The following RYR3 variants were observed in gnomAD, a reference collection of about 807,000 sequenced individuals.
RYR3 encodes ryanodine receptor 3, also known as brain ryanodine receptor-calcium release channel.
Under a neutral mutation model 584.3 loss-of-function variants are expected in RYR3, and 207 were observed. The ratio of observed to expected loss-of-function variants is 0.35; its 90% CI spans 0.32 to 0.40. The LOEUF (loss-of-function observed/expected upper bound fraction) is 0.40. RYR3 is among the 10% of genes least tolerant of loss of function. The pLI is 1.00. For synonymous variants in RYR3, 2,416 were observed against 2,248.5 expected, an observed-to-expected ratio of 1.07 and a Z score of -2.11; for missense variants, 5,616 against 6,089.2, an observed-to-expected ratio of 0.92 and a Z score of 2.59.
rs370430401 is a variant in RYR3, at chr15:33,728,930, G to C, written c.7107G>C (p.Leu2369Phe). The C allele has an allele frequency of 5.1e-5, 82 of 1,613,636 alleles. No homozygotes were observed. Among genetic ancestry groups the C allele is most frequent in the Non-Finnish European group, 6.6e-5 (78 of 1,179,832 alleles). ...ACAAGGCACCTATGGTGCTGTTCTT[G>C]GACCGCGTTTATGGCATTAAGGATC... ...PDHKAPMVLF[L>F]DRVYGIKDQT... Residue 2369 changes from leucine to phenylalanine, a missense_variant, in exon 47 of 104, where the codon TTG becomes TTC. Physicochemically the swap from Leu to Phe is conservative, Grantham distance 22. This residue lies in a region of RYR3 where 1,280 missense variants were observed against 1,426.2 expected (regional missense o/e 0.90). Transcript: ENST00000634891.
chr15:33,458,434 G>T (rs2047741573), intron 1 of RYR3, among the ~76,000 whole-genome samples: 1 of 152,144 alleles, frequency 6.6e-6, no homozygotes, highest in African/African-American at 2.4e-5. Context: ...AGCTTTCCTG[G>T]TTCTCAGCCT....
chr15:33,569,530 C>A (rs1453117828), intron 12 of RYR3, among the ~76,000 whole-genome samples: 2 of 152,146 alleles, frequency 1.3e-5, no homozygotes, highest in East Asian at 1.9e-4. Context: ...TCTCACTTAG[C>A]AAAATATCTT....
At position 33,812,961 on chromosome 15, in the gene RYR3, G is replaced by A. The variant is rs1467488909; in HGVS notation, c.10356G>A (p.Gln3452=). 6.2e-7 allele frequency: 1 copy of A among 1,613,978 alleles called. No homozygotes were observed. The highest frequency in any genetic ancestry group is 8.5e-7 in the Non-Finnish European group (1 of 1,179,872). Residue 3452 remains glutamine (Q), a synonymous_variant, in exon 73 of 104, where the codon CAG becomes CAA. Transcript: ENST00000634891. ...CGGAAAAGACAGTGGAGCGTGTGCA[G>A]AGAATTTCAGCAGCTGTCTTCCACC... ...FNPEKTVERV[Q]RISAAVFHLE... is the part of the protein sequence containing the mutation.
At chr15:33,629,860 A>G in intron 21 of RYR3, 80 bp from the exon 22 acceptor site, 1 of 724,310 alleles carries the variant, frequency 1.4e-6, no homozygotes, top group Non-Finnish European at 2.3e-6. Flanking sequence ...CCATGTTTCA[A>G]AGTATGTTCT....
At chr15:33,695,310 C>T (rs2065761818) in intron 38 of RYR3, among the ~76,000 whole-genome samples, 1 of 152,186 alleles carries the variant, frequency 6.6e-6, no homozygotes, top group Non-Finnish European at 1.5e-5. Context: ...TCCTCCTTTA[C>T]CTCCTATGCC....
chr15:33,742,497 A>C (rs1273448382), intron 52 of RYR3, 53 bp downstream of exon 52: 4 of 1,166,140 alleles, frequency 3.4e-6, no homozygotes. Flanking sequence ...CAGCCCAAGA[A>C]CATTAAAGGG....
intron 53 of RYR3, among the ~76,000 whole-genome samples, chr15:33,746,410 G>A (rs1411478292): frequency 1.3e-5 from 2 of 152,192 alleles, no homozygotes; most frequent in African/African-American, 4.8e-5. Flanking sequence ...TTTGAGGCTG[G>A]GCCAAAATGC....
intron 49 of RYR3, among the ~76,000 whole-genome samples, chr15:33,737,991 C>T (rs8029059): frequency 0.13 from 20,349 of 151,880 alleles, 1,554 homozygotes; most frequent in East Asian, 0.34. Flanking sequence ...TAGTAATTGA[C>T]GAGAGAAAAT....
intron 38 of RYR3, among the ~76,000 whole-genome samples, chr15:33,673,530 T>C (rs1210012511): frequency 6.6e-6 from 1 of 152,238 alleles, no homozygotes; most frequent in Admixed American, 6.5e-5. Flanking sequence ...TAAGTCACTT[T>C]TTTTTCGTAT....
rs1411351023 is a variant in RYR3 at position 33,311,523 on chromosome 15, G to T, written c.51+427G>T. On this transcript the variant is annotated intron_variant, in intron 1 of 103. Transcript: ENST00000634891. The surrounding 1 kb of genome is among the most constrained non-coding windows in gnomAD (Gnocchi z 4.4). ...CCCAGCCCCATTCCTCTTCCAGGGCGCCCCCACGCACAGGGGAACCTCCGG... is the reference window on the plus strand; with the variant it reads ...CCCAGCCCCATTCCTCTTCCAGGGCTCCCCCACGCACAGGGGAACCTCCGG... Among the ~76,000 whole-genome samples, 1 of 152,142 alleles carries T rather than the reference G, an allele frequency of 6.6e-6. No individual in the cohort carries two copies. Among genetic ancestry groups the T allele is most frequent in the African/African-American group, 2.4e-5 (1 of 41,440 alleles).
chr15:33,736,154 T>A, intron 48 of RYR3, 81 bp from the exon 49 acceptor site: 1 of 902,254 alleles, frequency 1.1e-6, no homozygotes, highest in East Asian at 2.6e-5. Flanking sequence ...GTAATATGCT[T>A]ATTGTTCAGT....
intron 42 of RYR3, among the ~76,000 whole-genome samples, chr15:33,701,520 T>C (rs1162612956): frequency 6.6e-6 from 1 of 151,992 alleles, no homozygotes; most frequent in African/African-American, 2.4e-5. Flanking sequence ...AAGCTCCTGG[T>C]GGTGGAGCTG....
Position 33,786,001 on chromosome 15 carries a change from C to A in RYR3, c.9589+19C>A. 6.6e-7 allele frequency: 1 copy of A among 1,520,190 alleles called. No homozygotes were observed. The highest frequency in any genetic ancestry group is 1.3e-5 in the South Asian group (1 of 76,460). The allele number at this position is 1,520,190 out of a possible 1,614,324, so 94.2% of individuals were successfully genotyped here. A position where few individuals can be genotyped will look rare whatever the true frequency, so the allele number is the denominator to read the frequency against. ...ATTGCAGGTACCGACCCCTTTCTCC[C>A]CAGTCCCCAGCCCAGGGGCCAAGAT... On this transcript the variant is annotated intron_variant, in intron 66 of 103. Coordinates refer to ENST00000634891, the MANE Select transcript of RYR3 (RefSeq NM_001036.6).
rs202075987 is a variant in RYR3 at position 33,695,782 on chromosome 15, C to CA, written c.5861-426dup. The stretch of plus-strand genomic sequence containing the variant: ...CATGTCATAACCCACCCTTAAAATA[C>CA]AAAAAAAAAATTTTTTTTTTTGAGA... On this transcript the variant is annotated intron_variant, in intron 38 of 103. Transcript: ENST00000634891. Among the ~76,000 whole-genome samples the CA allele has an allele frequency of 2.9e-4, 43 of 147,970 alleles. 1 individual carries two copies. Among genetic ancestry groups the CA allele is most frequent in the Admixed American group, 1.7e-3 (25 of 14,768 alleles).
intron 61 of RYR3, 126 bp from the exon 62 acceptor site, chr15:33,768,986 G>C: frequency 1.3e-6 from 1 of 780,502 alleles, no homozygotes; most frequent in Admixed American, 1.9e-5. Context: ...GCTGAACACA[G>C]GCCCAGGACT....
chr15:33,658,004 T>G (rs562941178), intron 32 of RYR3, among the ~76,000 whole-genome samples: 1 of 152,340 alleles, frequency 6.6e-6, no homozygotes, highest in African/African-American at 2.4e-5. Context: ...TGACAATTGC[T>G]TTGACAAAAA....
chr15:33,607,980 A>G (rs2059990783), intron 18 of RYR3, among the ~76,000 whole-genome samples: 1 of 152,236 alleles, frequency 6.6e-6, no homozygotes, highest in South Asian at 2.1e-4. Context: ...TACTTGCCCA[A>G]GGTCACACAT....
chr15:33,416,761 G>A (rs934841933), intron 1 of RYR3, among the ~76,000 whole-genome samples: 23 of 151,928 alleles, frequency 1.5e-4, no homozygotes, highest in African/African-American at 5.6e-4. Flanking sequence ...TAACTTTTTT[G>A]CCTAGGCCAA....
chr15:33,802,901 G>A (rs1394817436), intron 69 of RYR3, among the ~76,000 whole-genome samples: 1 of 152,188 alleles, frequency 6.6e-6, no homozygotes, highest in Non-Finnish European at 1.5e-5. Context: ...ACCCTCAGAA[G>A]TAAAAGTCAG....
Sources: gnomAD v4.1 joint callset for allele counts (sites outside exome capture counted in the v4.1 genomes callset) on GRCh38, gnomAD v4.1.1 for gene constraint, gnomAD v4.1.1 regional missense constraint, Gnocchi (gnomAD v3.1) non-coding constraint, MANE v1.5 for transcripts, NCBI Gene and HGNC (gene_info 2026-07-23, HGNC 2026-07-21) for gene names.